TTLL11: variants seen among roughly 807,000 people sequenced by gnomAD.
TTLL11 encodes tubulin tyrosine ligase like 11.
TTLL11 carries 42 observed loss-of-function variants against 51.7 expected under a neutral mutation model. The ratio of observed to expected loss-of-function variants is 0.81; its 90% CI spans 0.64 to 1.05. The LOEUF is 1.05. TTLL11 is among the 50% of genes least tolerant of loss of function. The probability of loss-of-function intolerance (pLI) is 0.00; values close to 1 mark genes in which losing one functional copy is unlikely to be tolerated. For missense variants in TTLL11, 799 were observed against 940.4 expected (o/e 0.85, Z 1.97); for synonymous variants, 381 against 383.5 (o/e 0.99, Z 0.08).
At chr9:121,926,503 C>T (rs557223856) in intron 6 of TTLL11, among the ~76,000 whole-genome samples, 3 of 152,330 alleles carry the variant, frequency 2.0e-5, no homozygotes, top group Non-Finnish European at 4.4e-5. Flanking sequence ...GGGTGCCAGG[C>T]GCTGGGCTGA....
chr9:121,979,411 A>T (rs7855126), intron 4 of TTLL11, among the ~76,000 whole-genome samples: 61,320 of 152,110 alleles, frequency 0.4, 13,467 homozygotes, highest in East Asian at 0.65. Context: ...TGTTGTTTTA[A>T]GCTGTTAAGG....
At chr9:122,055,100 A>T (rs1355220734) in intron 1 of TTLL11, among the ~76,000 whole-genome samples, 1 of 152,120 alleles carries the variant, frequency 6.6e-6, no homozygotes, top group Non-Finnish European at 1.5e-5. Context: ...ATGCTTGGGG[A>T]ATGCTCAGAA....
chr9:121,882,428 T>G (rs1038237971), intron 6 of TTLL11, among the ~76,000 whole-genome samples: 5 of 152,176 alleles, frequency 3.3e-5, no homozygotes, highest in Non-Finnish European at 2.9e-5. Context: ...CTCCTAATTG[T>G]CACTGATCTT....
intron 6 of TTLL11, among the ~76,000 whole-genome samples, chr9:121,956,229 C>G (rs7862052): frequency 0.24 from 37,083 of 151,866 alleles, 4,836 homozygotes; most frequent in Middle Eastern, 0.3. Flanking sequence ...GCCTGAAAAC[C>G]AGCTGGAAGA....
chr9:121,966,232 C>A (rs1156513333), intron 6 of TTLL11, among the ~76,000 whole-genome samples: 1 of 152,102 alleles, frequency 6.6e-6, no homozygotes, highest in Non-Finnish European at 1.5e-5. Flanking sequence ...GGCTTCTGGG[C>A]CATATATAAG....
At chr9:121,929,912 C>T (rs1840903403) in intron 6 of TTLL11, among the ~76,000 whole-genome samples, 1 of 152,036 alleles carries the variant, frequency 6.6e-6, no homozygotes, top group African/African-American at 2.4e-5. Context: ...CCAAACTCAC[C>T]AATAATTAAT....
chr9:121,882,327 C>T (rs982982842), intron 6 of TTLL11, among the ~76,000 whole-genome samples: 1 of 152,164 alleles, frequency 6.6e-6, no homozygotes, highest in Non-Finnish European at 1.5e-5. Context: ...GAAGTCTTTC[C>T]ATGTGCATGG....
At chr9:121,884,625 C>T (rs1652380625) in intron 6 of TTLL11, 1 of 152,116 alleles carries the variant, frequency 6.6e-6, no homozygotes, top group African/African-American at 2.4e-5. Context: ...CCCCCCTTGC[C>T]AGGGAATGGA....
intron 6 of TTLL11, among the ~76,000 whole-genome samples, chr9:121,904,910 G>C (rs1413836261): frequency 6.6e-6 from 1 of 152,220 alleles, no homozygotes; most frequent in African/African-American, 2.4e-5. Context: ...CTAGTTGCCA[G>C]TATTGACTCA....
intron 6 of TTLL11, among the ~76,000 whole-genome samples, chr9:121,949,789 T>C (rs529907030): frequency 2.4e-4 from 36 of 152,152 alleles, no homozygotes; most frequent in Non-Finnish European, 3.8e-4. Context: ...CAAAATTCTA[T>C]CTCATTTCTC....
At chr9:121,892,909 C>T (rs561431788) in intron 6 of TTLL11, among the ~76,000 whole-genome samples, 12 of 152,066 alleles carry the variant, frequency 7.9e-5, no homozygotes, top group Non-Finnish European at 1.8e-4. Flanking sequence ...TCAGGAAGGC[C>T]GTGAAGGGGG....
chr9:122,093,192 GCCGCCGCT>G lies in TTLL11; in HGVS notation c.-52_-45del. On this transcript the variant is annotated 5_prime_UTR_variant, in exon 1 of 9. The change abolishes the stop of an existing upstream ORF in the 5' untranslated region. Transcript: ENST00000321582. Reference sequence around the variant, plus strand: ...CAGTGCCAGTGCCACCGCCGCCGCCGCCGCCGCTCCGCCGCCCCAGTCCGCCACCAAAC... The same window carrying G: ...CAGTGCCAGTGCCACCGCCGCCGCCGCCGCCGCCCCAGTCCGCCACCAAAC... 2 of 1,488,524 alleles carry G rather than the reference GCCGCCGCT, an allele frequency of 1.3e-6. No individual in the cohort carries two copies. Among genetic ancestry groups the G allele is most frequent in the Admixed American group, 2.3e-5 (1 of 43,876 alleles). The allele number at this position is 1,488,524 out of a possible 1,614,324, so 92.2% of individuals were successfully genotyped here.
intron 8 of TTLL11, among the ~76,000 whole-genome samples, chr9:121,839,276 C>T (rs918600677): frequency 1.3e-5 from 2 of 152,262 alleles, no homozygotes; most frequent in African/African-American, 2.4e-5. Flanking sequence ...CTGTTCATCC[C>T]TGCACGTCCC....
intron 4 of TTLL11, among the ~76,000 whole-genome samples, chr9:121,981,245 T>A (rs193076731): frequency 6.6e-6 from 1 of 152,290 alleles, no homozygotes. Flanking sequence ...GTTCTTTTTT[T>A]TCCTTGTCAT....
intron 1 of TTLL11, among the ~76,000 whole-genome samples, chr9:122,060,659 A>G (rs1321217216): frequency 9.9e-5 from 15 of 152,216 alleles, no homozygotes; most frequent in Admixed American, 9.2e-4. Flanking sequence ...ATTCAAACCC[A>G]TTAGTTCCAG....
chr9:122,020,731 T>C (rs1429127521), intron 3 of TTLL11, among the ~76,000 whole-genome samples: 1 of 152,220 alleles, frequency 6.6e-6, no homozygotes, highest in African/African-American at 2.4e-5. Context: ...ACGATGGGAC[T>C]AGTGTCCTTA....
At chr9:121,928,902 T>A (rs1840856017) in intron 6 of TTLL11, among the ~76,000 whole-genome samples, 1 of 152,174 alleles carries the variant, frequency 6.6e-6, no homozygotes, top group Non-Finnish European at 1.5e-5. Flanking sequence ...TCATTTACAG[T>A]CATGATAGAT....
intron 4 of TTLL11, among the ~76,000 whole-genome samples, chr9:121,979,832 C>A (rs1220191509): frequency 1.3e-5 from 2 of 152,172 alleles, no homozygotes; most frequent in Admixed American, 1.3e-4. Flanking sequence ...TCTGTCAACA[C>A]TCCAGCTTTA....
rs1050707825 is a variant in TTLL11, at chr9:121,853,761, G to A, written c.1840+6576C>T. On this transcript the variant is annotated intron_variant, in intron 8 of 8. Transcript: ENST00000321582. This position sits in a 1 kb window ranked among gnomAD's most constrained non-coding sequence, Gnocchi z 5.6. ...GTCCCCACTGTCGCCAGGGTGGGAT[G>A]AGGAGGGCCTGGCACTCTGTCAGCC... is the stretch of plus-strand genomic sequence containing the variant. Among the ~76,000 whole-genome samples the A allele has an allele frequency of 4.6e-5, 7 of 152,184 alleles. No individual in the cohort carries two copies. The highest frequency in any genetic ancestry group is 7.3e-5 in the Non-Finnish European group (5 of 68,038).
Sources: gnomAD v4.1 joint callset for allele counts (sites outside exome capture counted in the v4.1 genomes callset) on GRCh38, gnomAD v4.1.1 for gene constraint, Gnocchi (gnomAD v3.1) non-coding constraint, MANE v1.5 for transcripts, NCBI Gene and HGNC (gene_info 2026-07-23, HGNC 2026-07-21) for gene names.